Variants in MIA3 observed in about 807,000 individuals in gnomAD.
MIA3 encodes transport and Golgi organization protein 1 homolog.
A neutral mutation model predicts 192.4 loss-of-function variants in MIA3; 90 were observed. The observed-to-expected ratio is 0.47, with a 90% CI of 0.39 to 0.56. The LOEUF (loss-of-function observed/expected upper bound fraction) is 0.56. Among genes scored for constraint, MIA3 ranks in the 20% least tolerant of loss-of-function variants. MIA3 has a pLI of 0.00. For missense variants in MIA3, 2,123 were observed against 2,269.4 expected, an observed-to-expected ratio of 0.94 and a Z score of 1.31; for synonymous variants, 740 against 792.8, an observed-to-expected ratio of 0.93 and a Z score of 1.12.
Position 222,629,660 on chromosome 1 carries a change from C to T in MIA3, c.2440C>T (p.Arg814Cys), listed in dbSNP as rs186697730. Residue 814 changes from arginine (R) to cysteine (C), a missense_variant, in exon 4 of 28, where the codon CGC (arginine) becomes TGC (cysteine). By Grantham distance (180) the Arg-to-Cys change is radical. Around this residue, in one of 3 missense-constraint regions of MIA3, gnomAD observed 1,357 missense variants for 1,396.1 expected, o/e 0.97. Coordinates refer to ENST00000344922, the MANE Select transcript of MIA3 (RefSeq NM_198551.4). ...REPNTMVEKE[R>C]PLADKKAQRP... is the part of the protein sequence containing the mutation. ...ACCAAATACAATGGTGGAAAAAGAA[C>T]GCCCTCTGGCAGATAAGAAAGCACA... The T allele has an allele frequency of 7.8e-5, 126 of 1,614,018 alleles. No homozygotes were observed. The South Asian group carries it at 8.2e-4, about 11-fold the overall frequency.
chr1:222,643,349 G>A (rs1271707342), intron 6 of MIA3, among the ~76,000 whole-genome samples: 1 of 152,064 alleles, frequency 6.6e-6, no homozygotes, highest in African/African-American at 2.4e-5. Context: ...TCTATTTCTG[G>A]ATTTTTTATT....
chr1:222,620,877 T>C (rs1367006268), intron 1 of MIA3, among the ~76,000 whole-genome samples: 1 of 152,228 alleles, frequency 6.6e-6, no homozygotes, highest in East Asian at 1.9e-4. Context: ...AGAAAAGCCA[T>C]GTGTGGTAGT....
intron 7 of MIA3, among the ~76,000 whole-genome samples, chr1:222,646,567 C>A (rs2124892466): frequency 1.3e-5 from 2 of 152,094 alleles, no homozygotes; most frequent in East Asian, 3.9e-4. Flanking sequence ...GCCTGACCAA[C>A]AAGACAAAAC....
Position 222,633,247 on chromosome 1 carries a change from T to C in MIA3, c.3475T>C (p.Ser1159Pro). The change falls in exon 6 of 28, where the codon TCG becomes CCG. Residue 1159 changes from serine (S) to proline (P), a missense_variant and splice_region_variant. Physicochemically the swap from Ser to Pro is moderately conservative, Grantham distance 74 (BLOSUM62 -1). Coordinates refer to ENST00000344922, the MANE Select transcript of MIA3 (RefSeq NM_198551.4). ...TTCATTCATGTTTTATTTAACTAAG[T>C]CGGTAAGTTTAACATAGTTTTTTTT... Reference protein sequence around the residue: ...IYSFMFYLTKSLVATLPDDVQ... With the variant: ...IYSFMFYLTKPLVATLPDDVQ... The C allele has an allele frequency of 6.3e-7, 1 of 1,599,766 alleles. No homozygotes were observed. Among genetic ancestry groups the C allele is most frequent in the Non-Finnish European group, 8.5e-7 (1 of 1,174,306 alleles).
At chr1:222,664,276 A>C in intron 27 of MIA3, 128 bp downstream of exon 27, 1 of 968,872 alleles carries the variant, frequency 1.0e-6, no homozygotes, top group South Asian at 1.5e-5. Flanking sequence ...GTACACCGTA[A>C]CTTTTCCCCA....
In MIA3 at chr1:222,665,753, G is replaced by A. The variant is rs1442667683; in HGVS notation, c.*134G>A. ...TTGTTAGAACTAAGCTGCCTTGGCAGTGTGCATTTTTGAGCCAAACAATTC... is the reference window on the plus strand; with the variant it reads ...TTGTTAGAACTAAGCTGCCTTGGCAATGTGCATTTTTGAGCCAAACAATTC... On this transcript the variant is annotated 3_prime_UTR_variant, in exon 28 of 28. Coordinates refer to ENST00000344922, the MANE Select transcript of MIA3 (RefSeq NM_198551.4). 1.4e-5 allele frequency: 10 copies of A among 696,826 alleles called. No individual in the cohort carries two copies. The highest frequency in any genetic ancestry group is 1.9e-5 in the Non-Finnish European group (9 of 470,724). 43.2% of individuals were successfully genotyped at this position (696,826 alleles called of 1,614,324 possible).
chr1:222,643,391 A>C lies in MIA3; in HGVS notation c.3478-2163A>C, dbSNP rs531236236. Among the ~76,000 whole-genome samples, 10 of 152,266 alleles carry C rather than the reference A, an allele frequency of 6.6e-5. No individual in the cohort carries two copies. The South Asian group carries it at 2.1e-3, about 32-fold the overall frequency. On this transcript the variant is annotated intron_variant, in intron 6 of 27. Coordinates refer to ENST00000344922, the MANE Select transcript of MIA3 (RefSeq NM_198551.4). Reference sequence around the variant, plus strand: ...CGTGGTCGGTCTGCATCCTTGGGCCAGTACCATACTGTTATTACAGATCCT... The same window carrying C: ...CGTGGTCGGTCTGCATCCTTGGGCCCGTACCATACTGTTATTACAGATCCT...
At position 222,664,081 on chromosome 1, in the gene MIA3, C is replaced by T; in HGVS notation, c.5346C>T (p.Pro1782=). The change falls in exon 27 of 28, where the codon CCC becomes CCT. Residue 1782 remains proline, a synonymous_variant. Transcript: ENST00000344922. ...CCATGGGAGGCCCTGTACCACCACC[C>T]ATTCGATATGGACCACCACCTCAGC... The part of the protein sequence containing the change: ...STPMGGPVPP[P]IRYGPPPQLC... 1 of 1,614,184 alleles carries T rather than the reference C, an allele frequency of 6.2e-7. No individual in the cohort carries two copies. Among genetic ancestry groups the T allele is most frequent in the Non-Finnish European group, 8.5e-7 (1 of 1,179,998 alleles).
intron 1 of MIA3, among the ~76,000 whole-genome samples, chr1:222,620,630 G>A (rs1388307380): frequency 6.6e-6 from 1 of 152,198 alleles, no homozygotes; most frequent in African/African-American, 2.4e-5. Context: ...CTGCTACATA[G>A]TACTGGTTAC....
At chr1:222,661,906 G>A (rs889110229) in intron 24 of MIA3, 150 bp from the exon 25 acceptor site, 1 of 620,156 alleles carries the variant, frequency 1.6e-6, no homozygotes, top group Non-Finnish European at 2.8e-6. Context: ...CTTTAAGTCC[G>A]TGCATAAATT....
chr1:222,640,302 A>AT (rs998021477), intron 6 of MIA3, among the ~76,000 whole-genome samples: 14 of 151,728 alleles, frequency 9.2e-5, no homozygotes, highest in South Asian at 2.1e-4. Context: ...TCTCAGAAGG[A>AT]TTTTTTTTTA....
intron 2 of MIA3, 88 bp downstream of exon 2, chr1:222,621,380 C>T: frequency 1.5e-6 from 2 of 1,308,394 alleles, no homozygotes; most frequent in South Asian, 1.4e-5. Context: ...TTTCTTGGGA[C>T]CTTTGATGGA....
chr1:222,650,619 CT>C lies in MIA3; in HGVS notation c.3721-12del. The C allele has an allele frequency of 5.9e-6, 9 of 1,514,678 alleles. No homozygotes were observed. The highest frequency in any genetic ancestry group is 8.1e-6 in the Non-Finnish European group (9 of 1,109,054). 93.8% of individuals were successfully genotyped at this position (1,514,678 alleles called of 1,614,324 possible). ...ACTTTATATTTCTGGATTCTGAATG[CT>C]TTATTTTATATAGATCAAGGAATCA... On this transcript the variant is annotated splice_polypyrimidine_tract_variant and intron_variant, in intron 9 of 27. Coordinates refer to ENST00000344922, the MANE Select transcript of MIA3 (RefSeq NM_198551.4).
At position 222,645,971 on chromosome 1, in the gene MIA3, A is replaced by C. The variant is rs1663121541; in HGVS notation, c.3609+286A>C. ...TTCAACTCACAAAGGATGAAAAGAAAGAATTAGATAGGTCATATGTACACT... is the reference window on the plus strand; with the variant it reads ...TTCAACTCACAAAGGATGAAAAGAACGAATTAGATAGGTCATATGTACACT... On this transcript the variant is annotated intron_variant, in intron 7 of 27. Coordinates refer to ENST00000344922, the MANE Select transcript of MIA3 (RefSeq NM_198551.4). 4 of 300,036 alleles carry C rather than the reference A, an allele frequency of 1.3e-5. No homozygotes were observed. In the South Asian group the frequency reaches 1.3e-4, roughly 10 times the overall value. The allele number at this position is 300,036 out of a possible 1,614,324, so 18.6% of individuals were successfully genotyped here. A position where few individuals can be genotyped will look rare whatever the true frequency, so the allele number is the denominator to read the frequency against.
chr1:222,625,536 T>G (rs1662074582), intron 3 of MIA3, among the ~76,000 whole-genome samples: 1 of 152,190 alleles, frequency 6.6e-6, no homozygotes, highest in Admixed American at 6.5e-5. Flanking sequence ...AAATGCAAAC[T>G]TACAAAGGTT....
rs1161462477 is a variant in MIA3 at position 222,665,455 on chromosome 1, T to C, written c.5560T>C (p.Phe1854Leu). ...PLGSLGPREYFIPGTRLPPPT... is the reference protein window; with the variant it reads ...PLGSLGPREYLIPGTRLPPPT... ...AGGTTCACTTGGCCCAAGAGAGTAC[T>C]TTATTCCTGGTACCCGATTACCACC... The change falls in exon 28 of 28, where the codon TTT (phenylalanine) becomes CTT (leucine). Residue 1854 changes from phenylalanine to leucine, a missense_variant. Physicochemically the swap from Phe to Leu is conservative, Grantham distance 22. Around this residue, in one of 3 missense-constraint regions of MIA3, gnomAD observed 762 missense variants for 856.4 expected, o/e 0.89. Transcript: ENST00000344922. 2.5e-6 allele frequency: 4 copies of C among 1,613,938 alleles called. No individual in the cohort carries two copies. The highest frequency in any genetic ancestry group is 1.7e-5 in the Admixed American group (1 of 59,988).
chr1:222,633,363 C>A, intron 6 of MIA3, 114 bp downstream of exon 6: 1 of 878,386 alleles, frequency 1.1e-6, no homozygotes, highest in Non-Finnish European at 1.7e-6. Context: ...ACTCCTGATC[C>A]TTTGAAGAGA....
Position 222,666,012 on chromosome 1 carries a change from T to C in MIA3, c.*393T>C, listed in dbSNP as rs1477762203. Reference sequence around the variant, plus strand: ...CAGCTGAATACGGAGCAATGGTGTTTATAAGCGTTTTTTTAAACTATCTGG... The same window carrying C: ...CAGCTGAATACGGAGCAATGGTGTTCATAAGCGTTTTTTTAAACTATCTGG... On this transcript the variant is annotated 3_prime_UTR_variant, in exon 28 of 28. Coordinates refer to ENST00000344922, the MANE Select transcript of MIA3 (RefSeq NM_198551.4). 1 of 156,624 alleles carries C rather than the reference T, an allele frequency of 6.4e-6. No individual in the cohort carries two copies. The highest frequency in any genetic ancestry group is 2.4e-5 in the African/African-American group (1 of 41,674). The allele number at this position is 156,624 out of a possible 1,614,324, so 9.7% of individuals were successfully genotyped here. A position where few individuals can be genotyped will look rare whatever the true frequency, so the allele number is the denominator to read the frequency against.
At chr1:222,644,466 G>T in intron 6 of MIA3, 1 of 1,550,570 alleles carries the variant, frequency 6.4e-7, no homozygotes. Context: ...GCGTTCAGCT[G>T]TTCTACACAA....
Sources: gnomAD v4.1 joint callset for allele counts (sites outside exome capture counted in the v4.1 genomes callset) on GRCh38, gnomAD v4.1.1 for gene constraint, gnomAD v4.1.1 regional missense constraint, MANE v1.5 for transcripts, NCBI Gene and HGNC (gene_info 2026-07-23, HGNC 2026-07-21) for gene names.